The following FGF12 variants were observed in gnomAD, a reference collection of about 807,000 sequenced individuals.
FGF12 encodes the protein fibroblast growth factor 12.
Under a neutral mutation model 23.6 loss-of-function variants are expected in FGF12, and 14 were observed. The observed-to-expected ratio is 0.59, with a 90% confidence interval of 0.39 to 0.93. The LOEUF (loss-of-function observed/expected upper bound fraction) is 0.93. Ranked by LOEUF, FGF12 falls within the 40% of genes least tolerant of loss-of-function variation. The pLI, the probability that FGF12 is intolerant of heterozygous loss-of-function variation, is 0.00. For synonymous variants in FGF12, 62 were observed against 77.3 expected (o/e 0.80, Z 1.04); for missense variants, 175 against 217.8 (o/e 0.80, Z 1.24).
intron 2 of FGF12, among the ~76,000 whole-genome samples, chr3:192,649,199 C>T (rs2108674458): frequency 6.6e-6 from 1 of 152,212 alleles, no homozygotes; most frequent in East Asian, 1.9e-4. Context: ...ATTACTGTGA[C>T]CTGTGAAGTG....
At chr3:192,523,449 T>C (rs1283629695) in intron 2 of FGF12, among the ~76,000 whole-genome samples, 1 of 152,200 alleles carries the variant, frequency 6.6e-6, no homozygotes. Flanking sequence ...GGAAAAATAG[T>C]TACTTCCATG....
intron 4 of FGF12, among the ~76,000 whole-genome samples, chr3:192,263,379 T>C (rs1186315611): frequency 2.6e-5 from 4 of 152,116 alleles, no homozygotes; most frequent in Non-Finnish European, 5.9e-5. Context: ...ATCCCATCAA[T>C]GTCCCATCCC....
chr3:192,373,211 G>A (rs1719314979), intron 2 of FGF12, among the ~76,000 whole-genome samples: 1 of 151,968 alleles, frequency 6.6e-6, no homozygotes, highest in African/African-American at 2.4e-5. Flanking sequence ...CCCTGAGGGT[G>A]AGGCCATGTA....
chr3:192,717,218 G>T (rs991331875), intron 2 of FGF12, among the ~76,000 whole-genome samples: 2 of 152,136 alleles, frequency 1.3e-5, no homozygotes, highest in Non-Finnish European at 2.9e-5. Context: ...TATGCCTTGG[G>T]TGTTAAGTAG....
chr3:192,448,745 A>C (rs1310997714), intron 2 of FGF12, among the ~76,000 whole-genome samples: 1 of 152,194 alleles, frequency 6.6e-6, no homozygotes, highest in African/African-American at 2.4e-5. Context: ...AGCATGAGTA[A>C]ATGTATTCTG....
chr3:192,508,333 A>G (rs1445933436), intron 2 of FGF12, among the ~76,000 whole-genome samples: 1 of 152,242 alleles, frequency 6.6e-6, no homozygotes, highest in Non-Finnish European at 1.5e-5. Flanking sequence ...AAATATTCAA[A>G]CATGACATTC....
intron 4 of FGF12, among the ~76,000 whole-genome samples, chr3:192,246,202 A>G (rs2108600111): frequency 6.6e-6 from 1 of 152,284 alleles, no homozygotes; most frequent in Admixed American, 6.5e-5. Context: ...TTAGAATTAT[A>G]ATTACATACT....
At chr3:192,199,970 G>T (rs1223611906) in intron 4 of FGF12, among the ~76,000 whole-genome samples, 3 of 152,072 alleles carry the variant, frequency 2.0e-5, no homozygotes, top group East Asian at 3.9e-4. Flanking sequence ...GAGATGAAAC[G>T]TACTGCTCCC....
intron 4 of FGF12, among the ~76,000 whole-genome samples, chr3:192,186,055 A>G (rs1716449331): frequency 6.6e-6 from 1 of 152,326 alleles, no homozygotes; most frequent in African/African-American, 2.4e-5. Flanking sequence ...TCCTCTTCAC[A>G]TTCTATGTTA....
chr3:192,567,907 A>T (rs575291674), intron 2 of FGF12, among the ~76,000 whole-genome samples: 59 of 148,796 alleles, frequency 4.0e-4, no homozygotes, highest in African/African-American at 1.3e-3. Flanking sequence ...ATCTTGGCTC[A>T]CTACAACTTC....
At chr3:192,716,726 T>C (rs995034633) in intron 2 of FGF12, among the ~76,000 whole-genome samples, 1 of 152,214 alleles carries the variant, frequency 6.6e-6, no homozygotes, top group East Asian at 1.9e-4. Context: ...AGCTTGGTTC[T>C]TTATATATAT....
intron 2 of FGF12, among the ~76,000 whole-genome samples, chr3:192,399,643 T>G (rs866836113): frequency 2.6e-5 from 4 of 152,268 alleles, no homozygotes; most frequent in Non-Finnish European, 4.4e-5. Flanking sequence ...GGTTGGGGAC[T>G]CTCAATATAT....
At chr3:192,241,304 G>T (rs528036916) in intron 4 of FGF12, among the ~76,000 whole-genome samples, 1 of 152,294 alleles carries the variant, frequency 6.6e-6, no homozygotes, top group South Asian at 2.1e-4. Flanking sequence ...AAATGACTGG[G>T]TGGGAGAGTG....
chr3:192,200,550 C>T lies in FGF12; in HGVS notation c.229-29894G>A, dbSNP rs188693849. On this transcript the variant is annotated intron_variant, in intron 4 of 5. Transcript: ENST00000445105. ...GCCAAATATCCTCCCACATTGTTTC[C>T]CCCATATGTGTACACTAATTACTGG... Among the ~76,000 whole-genome samples, 7 of 152,216 alleles carry T rather than the reference C, an allele frequency of 4.6e-5. No individual in the cohort carries two copies. The East Asian group carries it at 1.3e-3, about 29-fold the overall frequency.
intron 1 of FGF12, 34 bp downstream of exon 1, chr3:192,727,450 G>T: frequency 1.1e-6 from 1 of 951,950 alleles, no homozygotes; most frequent in Non-Finnish European, 1.5e-6. Flanking sequence ...TGCATGCACA[G>T]TGCCCGCTCA....
chr3:192,154,658 G>C (rs1714254561), intron 5 of FGF12, among the ~76,000 whole-genome samples: 1 of 146,354 alleles, frequency 6.8e-6, no homozygotes, highest in African/African-American at 2.5e-5. Flanking sequence ...ACTTGAGGAG[G>C]TAGTCTGCCC....
intron 4 of FGF12, among the ~76,000 whole-genome samples, chr3:192,329,942 T>C (rs2108691048): frequency 6.6e-6 from 1 of 152,268 alleles, no homozygotes; most frequent in Non-Finnish European, 1.5e-5. Flanking sequence ...GAGAAAGAGA[T>C]GCATTAAGAA....
intron 3 of FGF12, among the ~76,000 whole-genome samples, chr3:192,353,365 T>A (rs923251019): frequency 8.0e-6 from 1 of 124,740 alleles, no homozygotes; most frequent in African/African-American, 3.4e-5. Context: ...GGAGCAGAAG[T>A]CTTTTTTTTT....
intron 2 of FGF12, among the ~76,000 whole-genome samples, chr3:192,490,406 T>C (rs1214003969): frequency 6.6e-6 from 1 of 152,144 alleles, no homozygotes; most frequent in Admixed American, 6.6e-5. Context: ...AAGAAATGCA[T>C]ATATATGTTT....
Sources: allele counts gnomAD v4.1 joint callset (sites outside exome capture counted in the v4.1 genomes callset), GRCh38; gene constraint gnomAD v4.1.1; transcripts MANE v1.5; gene names NCBI Gene and HGNC (gene_info 2026-07-23, HGNC 2026-07-21).